The following RARB variants were observed in gnomAD, a reference collection of about 807,000 sequenced individuals.
RARB encodes the protein retinoic acid receptor beta.
In RARB, 17 loss-of-function variants were observed where a neutral mutation model predicts 51.9. That is an observed-to-expected ratio of 0.33 (90% CI 0.22 to 0.49). The LOEUF (loss-of-function observed/expected upper bound fraction) is 0.49, where lower values mean the gene tolerates loss of function less well. RARB is among the 20% of genes least tolerant of loss of function. RARB has a pLI of 0.99. For synonymous variants in RARB, 215 were observed against 195.4 expected (o/e 1.10, Z -0.84); for missense variants, 369 against 550.8 (o/e 0.67, Z 3.30).
chr3:25,587,576 G>A (rs890809146), intron 5 of RARB, among the ~76,000 whole-genome samples: 20 of 152,102 alleles, frequency 1.3e-4, no homozygotes, highest in Non-Finnish European at 1.9e-4. Context: ...AGACAGTAAC[G>A]GTAACAAGGA....
intron 2 of RARB, among the ~76,000 whole-genome samples, chr3:24,924,748 C>G (rs918520513): frequency 8.5e-5 from 13 of 152,058 alleles, no homozygotes; most frequent in African/African-American, 2.4e-4. Flanking sequence ...ATTGTACTTT[C>G]CAGGGCATGA....
At chr3:25,390,090 A>C (rs190892983) in intron 5 of RARB, among the ~76,000 whole-genome samples, 1 of 152,172 alleles carries the variant, frequency 6.6e-6, no homozygotes, top group African/African-American at 2.4e-5. Context: ...CCCAAAATTC[A>C]TATGTTGAAA....
chr3:25,211,063 T>C (rs1701684424), intron 5 of RARB, among the ~76,000 whole-genome samples: 1 of 152,186 alleles, frequency 6.6e-6, no homozygotes, highest in Admixed American at 6.5e-5. Context: ...ATTAATAAAG[T>C]TACAGCTCTC....
At chr3:24,989,211 A>G (rs1362185354) in intron 2 of RARB, among the ~76,000 whole-genome samples, 1 of 152,176 alleles carries the variant, frequency 6.6e-6, no homozygotes, top group Non-Finnish European at 1.5e-5. Flanking sequence ...GATAGTCAAA[A>G]TGTTTAGCAA....
chr3:25,180,787 G>C (rs1195615178), intron 5 of RARB, among the ~76,000 whole-genome samples: 1 of 152,158 alleles, frequency 6.6e-6, no homozygotes, highest in African/African-American at 2.4e-5. Context: ...GAGAAAAAGA[G>C]GGAGAGAGAG....
At chr3:25,132,324 G>A (rs541636512) in intron 4 of RARB, among the ~76,000 whole-genome samples, 7 of 151,902 alleles carry the variant, frequency 4.6e-5, no homozygotes, top group Admixed American at 2.0e-4. Context: ...GTAGCTTGCC[G>A]TCTTGTGCTT....
chr3:25,216,876 C>T (rs1298214344), intron 5 of RARB, among the ~76,000 whole-genome samples: 3 of 151,976 alleles, frequency 2.0e-5, no homozygotes, highest in East Asian at 1.9e-4. Flanking sequence ...TCTCTTGTTT[C>T]CCTTGGCTGA....
intron 5 of RARB, among the ~76,000 whole-genome samples, chr3:25,176,346 C>CTTTCTTTCTTTCTTTCTTTAT (rs1575197603): frequency 2.1e-5 from 1 of 48,110 alleles, no homozygotes; most frequent in Non-Finnish European, 4.3e-5. Context: ...TCCTTCCTTC[C>CTTTCTTTCTTTCTTTCTTTAT]TTCCTTCCTT....
intron 4 of RARB, among the ~76,000 whole-genome samples, chr3:25,170,592 A>C (rs1700627644): frequency 6.6e-6 from 1 of 152,220 alleles, no homozygotes; most frequent in South Asian, 2.1e-4. Flanking sequence ...TTTATAAAAT[A>C]AATTTGAATT....
intron 2 of RARB, among the ~76,000 whole-genome samples, chr3:25,495,244 C>T (rs1202223225): frequency 6.6e-6 from 1 of 152,118 alleles, no homozygotes; most frequent in Non-Finnish European, 1.5e-5. Flanking sequence ...TTGAGGGTAT[C>T]AGAGGAGGGA....
intron 2 of RARB, among the ~76,000 whole-genome samples, chr3:24,886,278 T>A (rs1703264252): frequency 6.6e-6 from 1 of 152,158 alleles, no homozygotes; most frequent in Non-Finnish European, 1.5e-5. Flanking sequence ...CACCCCTTGA[T>A]GCAGGGGCTG....
chr3:25,073,946 G>A (rs576076581), intron 3 of RARB, among the ~76,000 whole-genome samples: 2 of 152,130 alleles, frequency 1.3e-5, no homozygotes, highest in Admixed American at 1.3e-4. Flanking sequence ...GGTAAATCAC[G>A]CTTTTATCCA....
intron 2 of RARB, among the ~76,000 whole-genome samples, chr3:24,931,200 T>C (rs1188335535): frequency 6.6e-6 from 1 of 152,074 alleles, no homozygotes; most frequent in Admixed American, 6.6e-5. Context: ...TTCATATTAT[T>C]AGTGTCTCCA....
At chr3:25,171,691 G>A (rs1029760996) in intron 4 of RARB, among the ~76,000 whole-genome samples, 9 of 124,754 alleles carry the variant, frequency 7.2e-5, no homozygotes, top group Admixed American at 1.7e-4. Flanking sequence ...TGTGCCCTGC[G>A]GGGGTGGATT....
intron 2 of RARB, among the ~76,000 whole-genome samples, chr3:25,024,289 T>C (rs1267216641): frequency 1.3e-5 from 2 of 152,212 alleles, no homozygotes; most frequent in African/African-American, 4.8e-5. Context: ...AATACAATTA[T>C]TTGATTACCA....
chr3:25,277,300 A>G (rs760312010), intron 5 of RARB, among the ~76,000 whole-genome samples: 20 of 152,188 alleles, frequency 1.3e-4, no homozygotes, highest in Non-Finnish European at 2.8e-4. Flanking sequence ...AGCCTGGGAC[A>G]TGGAGTCCAG....
chr3:24,981,128 C>T (rs1575104073), intron 2 of RARB, among the ~76,000 whole-genome samples: 3 of 152,288 alleles, frequency 2.0e-5, no homozygotes, highest in Admixed American at 2.0e-4. Flanking sequence ...CTGCCTGATC[C>T]TTCTTATGGA....
intron 2 of RARB, among the ~76,000 whole-genome samples, chr3:25,476,684 G>A (rs949016887): frequency 3.9e-5 from 6 of 152,258 alleles, no homozygotes; most frequent in East Asian, 3.9e-4. Flanking sequence ...AGACCCAGTC[G>A]TGGGCCTACA....
chr3:25,506,077 C>T (rs1025387778), intron 3 of RARB, among the ~76,000 whole-genome samples: 3 of 151,886 alleles, frequency 2.0e-5, no homozygotes, highest in African/African-American at 7.3e-5. Context: ...AGCCAAAGGT[C>T]AGCAAACCAT....
Sources: gnomAD v4.1 joint callset for allele counts (sites outside exome capture counted in the v4.1 genomes callset) on GRCh38, gnomAD v4.1.1 for gene constraint, MANE v1.5 for transcripts, NCBI Gene and HGNC (gene_info 2026-07-23, HGNC 2026-07-21) for gene names.